NEBL: variants seen among roughly 807,000 people sequenced by gnomAD.
The protein encoded by NEBL is nebulette.
In NEBL, 122 loss-of-function variants were observed where a neutral mutation model predicts 140.2. That is an observed-to-expected ratio of 0.87 (90% confidence interval 0.75 to 1.01). The LOEUF (loss-of-function observed/expected upper bound fraction) is 1.01. Ranked by LOEUF, NEBL falls within the 50% of genes least tolerant of loss-of-function variation. NEBL has a pLI of 0.00. For missense variants in NEBL, 1,365 were observed against 1,231.3 expected, an observed-to-expected ratio of 1.11 and a Z score of -1.62; for synonymous variants, 436 against 398.9, an observed-to-expected ratio of 1.09 and a Z score of -1.11.
chr10:21,099,987 C>T (rs1837397203), intron 2 of NEBL, among the ~76,000 whole-genome samples: 1 of 152,086 alleles, frequency 6.6e-6, no homozygotes, highest in South Asian at 2.1e-4. Flanking sequence ...AAAATAAAAA[C>T]AAGAAGTCCT....
At chr10:21,155,175 G>A (rs1028357673) in intron 2 of NEBL, among the ~76,000 whole-genome samples, 3 of 152,018 alleles carry the variant, frequency 2.0e-5, no homozygotes, top group Non-Finnish European at 4.4e-5. Context: ...CTCCAGCCTC[G>A]GCGACAGAGC....
chr10:21,191,709 A>G (rs1485889367), intron 3 of NEBL, among the ~76,000 whole-genome samples: 12 of 152,312 alleles, frequency 7.9e-5, no homozygotes, highest in African/African-American at 2.6e-4. Flanking sequence ...CATTATAACA[A>G]TATTGTTGCT....
chr10:21,160,195 A>G (rs1256829045), intron 2 of NEBL, among the ~76,000 whole-genome samples: 1 of 152,176 alleles, frequency 6.6e-6, no homozygotes, highest in Non-Finnish European at 1.5e-5. Context: ...TAAAGAAAAA[A>G]AAAAAACTAA....
chr10:21,151,139 T>C (rs1840119276), intron 2 of NEBL, among the ~76,000 whole-genome samples: 1 of 152,170 alleles, frequency 6.6e-6, no homozygotes, highest in South Asian at 2.1e-4. Context: ...TCTGCAGGAT[T>C]TTTCCAAGTT....
At chr10:21,243,988 G>GGAAAGGGAA (rs1200792020) in intron 3 of NEBL, among the ~76,000 whole-genome samples, 3 of 151,498 alleles carry the variant, frequency 2.0e-5, no homozygotes, top group African/African-American at 7.3e-5. Context: ...AGGGAAGGAA[G>GGAAAGGGAA]GAAAGGGAAG....
At chr10:21,268,826 A>G (rs1842828739) in intron 1 of NEBL, among the ~76,000 whole-genome samples, 1 of 152,090 alleles carries the variant, frequency 6.6e-6, no homozygotes, top group South Asian at 2.1e-4. Context: ...CACCTGGCCA[A>G]AAAAATTTAA....
At chr10:21,281,390 T>G (rs1842991875) in intron 1 of NEBL, among the ~76,000 whole-genome samples, 1 of 151,922 alleles carries the variant, frequency 6.6e-6, no homozygotes, top group Admixed American at 6.6e-5. Context: ...TCAAACTCCT[T>G]GCCTCAAGTA....
At position 20,852,603 on chromosome 10, in the gene NEBL, A is replaced by C; in HGVS notation, c.950T>G (p.Phe317Cys). The C allele has an allele frequency of 6.2e-7, 1 of 1,613,962 alleles. No homozygotes were observed. Among genetic ancestry groups the C allele is most frequent in the Non-Finnish European group, 8.5e-7 (1 of 1,179,960 alleles). Residue 317 changes from phenylalanine (F) to cysteine (C), a missense_variant, in exon 10 of 28, where the codon TTT becomes TGT. Physicochemically the swap from Phe to Cys is radical, Grantham distance 205 (BLOSUM62 -2). Transcript: ENST00000377122. ...CAGATGTTCCACAGCATCTGCATCA[A>C]AATGATACATTCCTTTGTTTTCCTC... The part of the protein sequence containing the change: ...LFEENKGMYH[F>C]DADAVEHLHH...
intron 2 of NEBL, among the ~76,000 whole-genome samples, chr10:20,894,815 G>A (rs1196693707): frequency 6.7e-6 from 1 of 150,320 alleles, no homozygotes; most frequent in Non-Finnish European, 1.5e-5. Context: ...TGTGGTCCCG[G>A]CTACTCGGGT....
intron 2 of NEBL, among the ~76,000 whole-genome samples, chr10:21,249,638 AATTT>A (rs1405455127): frequency 6.0e-5 from 9 of 150,048 alleles, no homozygotes; most frequent in Admixed American, 2.6e-4. Context: ...TTTACTTTTA[AATTT>A]ATTTATTATT....
In NEBL at chr10:20,845,293, A is replaced by C; in HGVS notation, c.1192T>G (p.Leu398Val). 1.2e-6 allele frequency: 2 copies of C among 1,600,566 alleles called. No individual in the cohort carries two copies. The highest frequency in any genetic ancestry group is 1.7e-6 in the Non-Finnish European group (2 of 1,168,024). The change falls in exon 12 of 28, where the codon TTA (leucine) becomes GTA (valine). Residue 398 changes from leucine (L) to valine (V), a missense_variant. This residue lies in a region of NEBL where 1,323 missense variants were observed against 1,154.8 expected (regional missense o/e 1.15). Transcript: ENST00000377122. ...SLDLDKTPEF[L>V]HVKYITNLLR... ...AGGTTGGTGATGTACTTTACATGTA[A>C]AAATTCTGGAGTCTTGTCTAAATCC...
intron 2 of NEBL, among the ~76,000 whole-genome samples, chr10:21,127,213 GAA>G (rs1838881550): frequency 6.6e-6 from 1 of 151,876 alleles, no homozygotes; most frequent in African/African-American, 2.4e-5. Context: ...ATCAATAACA[GAA>G]AATAATGACA....
chr10:20,960,840 T>A (rs1421610344), intron 4 of NEBL, among the ~76,000 whole-genome samples: 1 of 152,144 alleles, frequency 6.6e-6, no homozygotes, highest in East Asian at 1.9e-4. Flanking sequence ...CACCTAGATA[T>A]ACAAATTTTA....
At chr10:20,842,373 T>A (rs1841479702) in intron 12 of NEBL, among the ~76,000 whole-genome samples, 1 of 152,076 alleles carries the variant, frequency 6.6e-6, no homozygotes, top group African/African-American at 2.4e-5. Context: ...TCTAGTAATG[T>A]CAAAGGGCAA....
intron 3 of NEBL, among the ~76,000 whole-genome samples, chr10:21,012,644 A>G (rs1417873664): frequency 6.6e-6 from 1 of 152,116 alleles, no homozygotes; most frequent in African/African-American, 2.4e-5. Flanking sequence ...AAGCATTGGG[A>G]TTATAGCCAT....
chr10:21,228,677 A>T (rs1434180312), intron 3 of NEBL, among the ~76,000 whole-genome samples: 1 of 152,256 alleles, frequency 6.6e-6, no homozygotes, highest in African/African-American at 2.4e-5. Context: ...AACAGTCATC[A>T]TACATTTAAC....
At chr10:21,064,553 G>A (rs984398112) in intron 2 of NEBL, among the ~76,000 whole-genome samples, 3 of 152,118 alleles carry the variant, frequency 2.0e-5, no homozygotes, top group African/African-American at 7.2e-5. Flanking sequence ...CCATTTAAAA[G>A]CAACTGAAAG....
rs150956488 is a variant in NEBL, at chr10:21,090,205, C to A, written c.165-70004G>T. Among the ~76,000 whole-genome samples, 256 of 152,298 alleles carry A rather than the reference C, an allele frequency of 1.7e-3. 1 individual carries two copies. Among genetic ancestry groups the A allele is most frequent in the African/African-American group, 5.5e-3 (229 of 41,568 alleles). On this transcript the variant is annotated intron_variant, in intron 2 of 6. Transcript: ENST00000417816. ...AAAACAGTATTTATCACCCCAAGAACCACTGCCTACTAAAACTACACACAA... is the reference window on the plus strand; with the variant it reads ...AAAACAGTATTTATCACCCCAAGAAACACTGCCTACTAAAACTACACACAA...
intron 2 of NEBL, among the ~76,000 whole-genome samples, chr10:21,074,896 T>A (rs1204285298): frequency 6.6e-6 from 1 of 152,030 alleles, no homozygotes; most frequent in Non-Finnish European, 1.5e-5. Context: ...TTTGAACTCC[T>A]GAGCTCAAGC....
Sources: gnomAD v4.1 joint callset for allele counts (sites outside exome capture counted in the v4.1 genomes callset) on GRCh38, gnomAD v4.1.1 for gene constraint, gnomAD v4.1.1 regional missense constraint, MANE v1.5 for transcripts, NCBI Gene and HGNC (gene_info 2026-07-23, HGNC 2026-07-21) for gene names.